The following SDHC variants were observed in gnomAD, a reference collection of about 807,000 sequenced individuals.
The protein encoded by SDHC is succinate dehydrogenase cytochrome b560 subunit, mitochondrial.
In SDHC, 11 loss-of-function variants were observed where a neutral mutation model predicts 22.6. That is an observed-to-expected ratio of 0.49 (90% CI 0.31 to 0.81). The LOEUF (loss-of-function observed/expected upper bound fraction) is 0.81, where lower values mean the gene tolerates loss of function less well. SDHC is among the 30% of genes least tolerant of loss of function. SDHC has a pLI of 0.05. For synonymous variants in SDHC, 80 were observed against 77.8 expected, an observed-to-expected ratio of 1.03 and a Z score of -0.15; for missense variants, 160 against 212.0, an observed-to-expected ratio of 0.75 and a Z score of 1.52.
intron 3 of SDHC, 84 bp from the exon 4 acceptor site, chr1:161,340,510 T>G (rs904918741): frequency 5.0e-6 from 6 of 1,195,788 alleles, no homozygotes; most frequent in Non-Finnish European, 7.4e-6. Context: ...ATTTCAGAAT[T>G]AGTTTATATT....
chr1:161,319,817 C>A (rs1265504056), intron 1 of SDHC, among the ~76,000 whole-genome samples: 1 of 152,078 alleles, frequency 6.6e-6, no homozygotes, highest in East Asian at 1.9e-4. Flanking sequence ...ACAGCATGAG[C>A]AAAGGCATGT....
intron 5 of SDHC, among the ~76,000 whole-genome samples, chr1:161,357,786 A>G (rs568742419): frequency 1.3e-5 from 2 of 152,158 alleles, no homozygotes; most frequent in Admixed American, 6.5e-5. Context: ...ATTGGTACCT[A>G]TTTATGTGTC....
At chr1:161,346,925 G>A (rs57421557) in intron 4 of SDHC, among the ~76,000 whole-genome samples, 17,830 of 151,894 alleles carry the variant, frequency 0.12, 1,419 homozygotes, top group African/African-American at 0.22. Context: ...CAATGTAAAC[G>A]CTATGTAAAT....
intron 4 of SDHC, among the ~76,000 whole-genome samples, chr1:161,346,155 A>G (rs1468561134): frequency 1.3e-5 from 2 of 152,154 alleles, no homozygotes; most frequent in East Asian, 3.9e-4. Flanking sequence ...TGGATACTCT[A>G]TCTATCTTAT....
At chr1:161,315,838 A>T (rs1054728536) in intron 1 of SDHC, among the ~76,000 whole-genome samples, 1 of 152,182 alleles carries the variant, frequency 6.6e-6, no homozygotes, top group East Asian at 1.9e-4. Flanking sequence ...GGCGTTCAGC[A>T]TACAGAGGAT....
chr1:161,326,250 A>T (rs1671042765), intron 2 of SDHC, among the ~76,000 whole-genome samples: 1 of 152,014 alleles, frequency 6.6e-6, no homozygotes, highest in South Asian at 2.1e-4. Flanking sequence ...ACCTCATCAG[A>T]TGATTCAGGT....
chr1:161,335,798 A>G (rs568936216), intron 3 of SDHC, among the ~76,000 whole-genome samples: 2 of 152,260 alleles, frequency 1.3e-5, no homozygotes, highest in Admixed American at 6.5e-5. Flanking sequence ...ATATAAGTAT[A>G]TACATACATC....
chr1:161,323,986 G>A (rs1039685825), intron 2 of SDHC, among the ~76,000 whole-genome samples: 2 of 152,142 alleles, frequency 1.3e-5, no homozygotes, highest in Admixed American at 6.5e-5. Flanking sequence ...TTGAGCCACC[G>A]CGCCCGGCCC....
At chr1:161,348,559 GGCT>G (rs1205159431) in intron 4 of SDHC, among the ~76,000 whole-genome samples, 1 of 150,978 alleles carries the variant, frequency 6.6e-6, no homozygotes, top group Non-Finnish European at 1.5e-5. Context: ...GGTAGCTCAT[GGCT>G]GTAATCCCAG....
chr1:161,358,223 T>G (rs972127631), intron 5 of SDHC, among the ~76,000 whole-genome samples: 1 of 151,254 alleles, frequency 6.6e-6, no homozygotes, highest in Non-Finnish European at 1.5e-5. Context: ...TTTTTTGGTA[T>G]TTTTAGTAGA....
chr1:161,360,217 T>C (rs1230121814), intron 5 of SDHC, among the ~76,000 whole-genome samples: 1 of 151,210 alleles, frequency 6.6e-6, no homozygotes, highest in African/African-American at 2.4e-5. Flanking sequence ...AATATTAATA[T>C]GTTAATATCC....
At chr1:161,317,550 GTTTTTTTTTTT>G (rs34457815) in intron 1 of SDHC, among the ~76,000 whole-genome samples, 6 of 59,892 alleles carry the variant, frequency 1.0e-4, no homozygotes, top group Admixed American at 3.3e-4. Context: ...TGTGTGTGTG[GTTTTTTTTTTT>G]TTTTTTTTTT....
In SDHC at chr1:161,323,022, A is replaced by G. The variant is rs142575216; in HGVS notation, c.21-592A>G. On this transcript the variant is annotated intron_variant, in intron 1 of 5. Transcript: ENST00000367975. ...CTAGCTTTTATTTTTTTTTTGAGAC[A>G]GAGTCTCGCTCTGTCACCCGGGCTG... Among the ~76,000 whole-genome samples, 754 of 151,404 alleles carry G rather than the reference A, an allele frequency of 5.0e-3. 6 individuals are homozygous for G. The highest frequency in any genetic ancestry group is 8.5e-3 in the Non-Finnish European group (575 of 67,824).
At chr1:161,319,222 AAAAT>A (rs35327704) in intron 1 of SDHC, among the ~76,000 whole-genome samples, 73 of 150,868 alleles carry the variant, frequency 4.8e-4, no homozygotes, top group African/African-American at 7.0e-4. Flanking sequence ...ACTCTGTCTT[AAAAT>A]AAATAAATAA....
chr1:161,325,377 G>A (rs1671012976), intron 2 of SDHC, among the ~76,000 whole-genome samples: 2 of 151,380 alleles, frequency 1.3e-5, no homozygotes, highest in African/African-American at 4.9e-5. Flanking sequence ...ATAAGAAACA[G>A]CTATCCTCAA....
chr1:161,325,321 A>G (rs1038550893), intron 2 of SDHC, among the ~76,000 whole-genome samples: 5 of 151,676 alleles, frequency 3.3e-5, no homozygotes, highest in Admixed American at 6.6e-5. Flanking sequence ...CAGCCTGGGC[A>G]ACATAGGGAT....
intron 1 of SDHC, 186 bp downstream of exon 1, chr1:161,314,611 C>G: frequency 1.2e-5 from 8 of 671,640 alleles, no homozygotes. Flanking sequence ...CCGGTGCGCT[C>G]CGTAGGGCTT....
Position 161,314,385 on chromosome 1 carries a change from C to T in SDHC, c.-21C>T. On this transcript the variant is annotated 5_prime_UTR_variant, in exon 1 of 6. Transcript: ENST00000367975. Reference sequence around the variant, plus strand: ...GTGGCGGGGCCGCCTGGCGTCACTTCCGTCCAGACCGGAACCCAAGATGGC... The same window carrying T: ...GTGGCGGGGCCGCCTGGCGTCACTTTCGTCCAGACCGGAACCCAAGATGGC... 1 of 1,614,080 alleles carries T rather than the reference C, an allele frequency of 6.2e-7. No individual in the cohort carries two copies. The highest frequency in any genetic ancestry group is 8.5e-7 in the Non-Finnish European group (1 of 1,180,014).
At chr1:161,321,343 T>C (rs1670829468) in intron 1 of SDHC, among the ~76,000 whole-genome samples, 1 of 152,212 alleles carries the variant, frequency 6.6e-6, no homozygotes. Flanking sequence ...TAATTACTTT[T>C]GTCATATTTC....
Sources: allele counts gnomAD v4.1 joint callset (sites outside exome capture counted in the v4.1 genomes callset), GRCh38; gene constraint gnomAD v4.1.1; transcripts MANE v1.5; gene names NCBI Gene and HGNC (gene_info 2026-07-23, HGNC 2026-07-21).